WDR41: variants seen among roughly 807,000 people sequenced by gnomAD.
WDR41 encodes the protein WD repeat domain 41.
Under a neutral mutation model 69.3 loss-of-function variants are expected in WDR41, and 63 were observed. The observed-to-expected ratio is 0.91, with a 90% CI of 0.74 to 1.12. The LOEUF (loss-of-function observed/expected upper bound fraction) is 1.12. Ranked by LOEUF, WDR41 falls within the 50% of genes most tolerant of loss-of-function variation. The pLI is 0.00. For missense variants in WDR41, 543 were observed against 534.5 expected (o/e 1.02, Z -0.16); for synonymous variants, 185 against 192.1 (o/e 0.96, Z 0.31).
At chr5:77,604,117 A>G (rs1249726485) in intron 1 of WDR41, among the ~76,000 whole-genome samples, 1 of 152,128 alleles carries the variant, frequency 6.6e-6, no homozygotes, top group Non-Finnish European at 1.5e-5. Context: ...GAAAAATGAC[A>G]TTGCTATTTT....
At chr5:77,543,524 GC>G (rs1371493628) in intron 1 of WDR41, among the ~76,000 whole-genome samples, 1 of 152,054 alleles carries the variant, frequency 6.6e-6, no homozygotes, top group African/African-American at 2.4e-5. Context: ...GAAAATCTCA[GC>G]AATAGAACTG....
intron 1 of WDR41, among the ~76,000 whole-genome samples, chr5:77,573,233 A>G (rs1743763657): frequency 6.6e-6 from 1 of 151,888 alleles, no homozygotes; most frequent in Non-Finnish European, 1.5e-5. Context: ...GGCCTGACCT[A>G]ATTTACTACC....
chr5:77,579,659 A>G (rs1743902077), intron 1 of WDR41, among the ~76,000 whole-genome samples: 2 of 152,244 alleles, frequency 1.3e-5, no homozygotes, highest in East Asian at 1.9e-4. Flanking sequence ...CAGATCTTCC[A>G]TACAAGAAAT....
chr5:77,464,273 A>ATTTTT (rs772388660), intron 3 of WDR41, among the ~76,000 whole-genome samples: 5 of 95,484 alleles, frequency 5.2e-5, no homozygotes, highest in Non-Finnish European at 1.1e-4. Context: ...TTAGGAAAAA[A>ATTTTT]CTTTTTTTTT....
chr5:77,433,510 T>C (rs752402944), intron 12 of WDR41, among the ~76,000 whole-genome samples: 10 of 152,252 alleles, frequency 6.6e-5, no homozygotes, highest in African/African-American at 2.2e-4. Flanking sequence ...TAGCTATTTT[T>C]GTAAAGTACA....
chr5:77,507,394 T>A (rs1381189201), intron 1 of WDR41, among the ~76,000 whole-genome samples: 2 of 152,210 alleles, frequency 1.3e-5, no homozygotes, highest in African/African-American at 4.8e-5. Context: ...TTCTTTGTAA[T>A]TTGCCTTTAT....
chr5:77,470,913 G>C (rs1012677301), intron 2 of WDR41, among the ~76,000 whole-genome samples: 1 of 152,082 alleles, frequency 6.6e-6, no homozygotes, highest in African/African-American at 2.4e-5. Context: ...ACTTAGCTCT[G>C]CACCAAGCAG....
intron 1 of WDR41, among the ~76,000 whole-genome samples, chr5:77,618,591 T>C (rs746886499): frequency 9.2e-5 from 14 of 152,164 alleles, no homozygotes; most frequent in Non-Finnish European, 1.8e-4. Context: ...CAGGCTGGTC[T>C]TGAGCTCCTG....
rs997584602 is a variant in WDR41, at chr5:77,490,556, G to A, written c.52-984C>T. On this transcript the variant is annotated intron_variant, in intron 1 of 12. Transcript: ENST00000296679. ...TACAACTCAATTAGATTTATATGAA[G>A]AAATATATAAATTTAAAACATGCAT... Among the ~76,000 whole-genome samples, 6 of 150,310 alleles carry A rather than the reference G, an allele frequency of 4.0e-5. No individual in the cohort carries two copies. The East Asian group carries it at 7.8e-4, about 20-fold the overall frequency.
rs1379907459 is a variant in WDR41, at chr5:77,432,953, A to ACTAGGAC, written c.*175_*181dup. 4 of 596,644 alleles carry ACTAGGAC rather than the reference A, an allele frequency of 6.7e-6. No homozygotes were observed. Among genetic ancestry groups the ACTAGGAC allele is most frequent in the Non-Finnish European group, 1.1e-5 (4 of 353,148 alleles). 37.0% of individuals were successfully genotyped at this position (596,644 alleles called of 1,614,324 possible). On this transcript the variant is annotated 3_prime_UTR_variant, in exon 13 of 13. Transcript: ENST00000296679. ...TTGTGGTATATTCTTTGGAGGATAT[A>ACTAGGAC]CTAGGACCTGAGAAGCAACATGTTC...
At chr5:77,596,691 A>G (rs1246254955) in intron 1 of WDR41, among the ~76,000 whole-genome samples, 2 of 152,098 alleles carry the variant, frequency 1.3e-5, no homozygotes, top group Non-Finnish European at 2.9e-5. Context: ...TACAACAACA[A>G]CTAGCACAGT....
chr5:77,475,073 C>T (rs1029655033), intron 2 of WDR41, among the ~76,000 whole-genome samples: 26 of 152,292 alleles, frequency 1.7e-4, no homozygotes, highest in Non-Finnish European at 2.5e-4. Context: ...CCTGGAAAAT[C>T]GGGTCACTCC....
chr5:77,464,274 CTTT>C (rs71606297), intron 3 of WDR41, among the ~76,000 whole-genome samples: 2,608 of 94,068 alleles, frequency 0.028, 39 homozygotes, highest in African/African-American at 0.1. Context: ...TAGGAAAAAA[CTTT>C]TTTTTTTTTT....
intron 1 of WDR41, among the ~76,000 whole-genome samples, chr5:77,503,623 G>C (rs1248813052): frequency 6.6e-6 from 1 of 152,058 alleles, no homozygotes; most frequent in Non-Finnish European, 1.5e-5. Context: ...CACATAATTG[G>C]AAGTAAAGCA....
At chr5:77,607,665 T>C (rs1744448538) in intron 1 of WDR41, among the ~76,000 whole-genome samples, 1 of 152,350 alleles carries the variant, frequency 6.6e-6, no homozygotes. Flanking sequence ...CTCAGGATAA[T>C]GAAGAGGGGG....
chr5:77,476,452 C>T (rs1800936456), intron 2 of WDR41, among the ~76,000 whole-genome samples: 1 of 152,022 alleles, frequency 6.6e-6, no homozygotes, highest in African/African-American at 2.4e-5. Flanking sequence ...AAAGGGAAGC[C>T]CATCAGACTC....
At chr5:77,611,429 A>T (rs1744548131) in intron 1 of WDR41, among the ~76,000 whole-genome samples, 1 of 152,176 alleles carries the variant, frequency 6.6e-6, no homozygotes, top group Admixed American at 6.5e-5. Context: ...CAGCAAATGT[A>T]AAAGAACAGA....
In WDR41 at chr5:77,433,031, A is replaced by C; in HGVS notation, c.*104T>G. ...AACATGTAGAATTTTATGGACTGAC[A>C]AAAAAAATTACCAATTTAAGTGATC... On this transcript the variant is annotated 3_prime_UTR_variant, in exon 13 of 13. Transcript: ENST00000296679. 7.9e-7 allele frequency: 1 copy of C among 1,259,126 alleles called. No homozygotes were observed. Among genetic ancestry groups the C allele is most frequent in the Non-Finnish European group, 1.1e-6 (1 of 942,316 alleles). The allele number at this position is 1,259,126 out of a possible 1,614,324, so 78.0% of individuals were successfully genotyped here.
intron 1 of WDR41, among the ~76,000 whole-genome samples, chr5:77,593,625 C>A (rs1295807514): frequency 6.6e-6 from 1 of 152,158 alleles, no homozygotes; most frequent in African/African-American, 2.4e-5. Flanking sequence ...AAAGTTCATT[C>A]ATCCATGTAT....
Sources: allele counts gnomAD v4.1 joint callset (sites outside exome capture counted in the v4.1 genomes callset), GRCh38; gene constraint gnomAD v4.1.1; transcripts MANE v1.5; gene names NCBI Gene and HGNC (gene_info 2026-07-23, HGNC 2026-07-21).